Variants in LMNTD1 observed in about 807,000 individuals in gnomAD.
LMNTD1 encodes lamin tail domain containing 1.
A neutral mutation model predicts 50.9 loss-of-function variants in LMNTD1; 35 were observed. The observed-to-expected ratio is 0.69, with a 90% CI of 0.53 to 0.91. The LOEUF is 0.91. Among genes scored for constraint, LMNTD1 ranks in the 40% least tolerant of loss-of-function variants. The pLI is 0.00. For missense variants in LMNTD1, 470 were observed against 475.5 expected (o/e 0.99, Z 0.11); for synonymous variants, 153 against 161.9 (o/e 0.94, Z 0.42).
At chr12:25,488,402 C>G (rs1306098475) in intron 9 of LMNTD1, among the ~76,000 whole-genome samples, 2 of 133,578 alleles carry the variant, frequency 1.5e-5, no homozygotes, top group African/African-American at 5.6e-5. Flanking sequence ...ATTGCTGATA[C>G]CCTTTCTTCC....
chr12:25,637,266 C>G (rs939257539), intron 1 of LMNTD1, among the ~76,000 whole-genome samples: 4 of 152,062 alleles, frequency 2.6e-5, no homozygotes, highest in Non-Finnish European at 5.9e-5. Flanking sequence ...ACAGAAAATG[C>G]CTTTGAGAGG....
At chr12:25,624,996 T>C (rs919104855) in intron 1 of LMNTD1, among the ~76,000 whole-genome samples, 2 of 149,984 alleles carry the variant, frequency 1.3e-5, no homozygotes, top group African/African-American at 2.4e-5. Flanking sequence ...ATAATCACAA[T>C]AGAGCTACCA....
At chr12:25,537,125 T>A (rs905014109) in intron 4 of LMNTD1, among the ~76,000 whole-genome samples, 1 of 152,146 alleles carries the variant, frequency 6.6e-6, no homozygotes, top group African/African-American at 2.4e-5. Flanking sequence ...GAGATCAAAC[T>A]GCAAGGCAGC....
chr12:25,488,696 G>A (rs2135915603), intron 9 of LMNTD1, among the ~76,000 whole-genome samples: 1 of 152,308 alleles, frequency 6.6e-6, no homozygotes, highest in African/African-American at 2.4e-5. Context: ...TCCTTTGGAG[G>A]AGGAGAGGCA....
chr12:25,554,250 A>G (rs1457244443), upstream of LMNTD1, among the ~76,000 whole-genome samples: 1 of 152,212 alleles, frequency 6.6e-6, no homozygotes, highest in African/African-American at 2.4e-5. Flanking sequence ...CAGTCTCCCT[A>G]CCTGTACCAG....
At chr12:25,561,844 A>G (rs1592020488) in intron 1 of LMNTD1, among the ~76,000 whole-genome samples, 1 of 152,246 alleles carries the variant, frequency 6.6e-6, no homozygotes, top group South Asian at 2.1e-4. Context: ...GTGCATATAT[A>G]TTTAGGTTAG....
rs573304585 is a variant in LMNTD1 at position 25,493,360 on chromosome 12, T to C, written c.*22+10378A>G. Among the ~76,000 whole-genome samples, 25 of 152,288 alleles carry C rather than the reference T, an allele frequency of 1.6e-4. 1 individual carries two copies. Among genetic ancestry groups the C allele is most frequent in the African/African-American group, 6.0e-4 (25 of 41,556 alleles). On this transcript the variant is annotated intron_variant, in intron 9 of 9. Transcript: ENST00000458174. ...TATATCTCCAGCTAATCCCACTGGATTTTAGTGACTAAACGAAGAGGGAAA... is the reference window on the plus strand; with the variant it reads ...TATATCTCCAGCTAATCCCACTGGACTTTAGTGACTAAACGAAGAGGGAAA...
At chr12:25,575,819 C>T (rs1283066497) in intron 1 of LMNTD1, among the ~76,000 whole-genome samples, 1 of 152,112 alleles carries the variant, frequency 6.6e-6, no homozygotes, top group Non-Finnish European at 1.5e-5. Context: ...GGTATATCTC[C>T]TAATGCTATC....
intron 9 of LMNTD1, among the ~76,000 whole-genome samples, chr12:25,482,687 TTG>T (rs1039779683): frequency 6.6e-6 from 1 of 152,020 alleles, no homozygotes; most frequent in Non-Finnish European, 1.5e-5. Context: ...GAAGCCTCTC[TTG>T]TGTGTCCAGA....
At chr12:25,523,489 G>A (rs138798266) in intron 6 of LMNTD1, among the ~76,000 whole-genome samples, 3 of 152,300 alleles carry the variant, frequency 2.0e-5, no homozygotes, top group African/African-American at 7.2e-5. Flanking sequence ...TTTTCCACAA[G>A]ATATGGATTA....
chr12:25,539,395 A>C (rs1942877792), intron 4 of LMNTD1, among the ~76,000 whole-genome samples: 1 of 152,076 alleles, frequency 6.6e-6, no homozygotes, highest in South Asian at 2.1e-4. Context: ...CAGTGCAATC[A>C]AACTAGAACT....
chr12:25,494,186 C>T (rs1446371326), intron 9 of LMNTD1, among the ~76,000 whole-genome samples: 2 of 152,198 alleles, frequency 1.3e-5, no homozygotes, highest in African/African-American at 2.4e-5. Context: ...TAATATAAAA[C>T]ACAATGTGCT....
At chr12:25,578,194 A>T (rs1945116276) in intron 1 of LMNTD1, among the ~76,000 whole-genome samples, 1 of 152,202 alleles carries the variant, frequency 6.6e-6, no homozygotes, top group East Asian at 1.9e-4. Context: ...TCATGTTTAC[A>T]CTACTGTGAA....
At chr12:25,596,742 T>C (rs1429114478) in intron 1 of LMNTD1, among the ~76,000 whole-genome samples, 3 of 152,032 alleles carry the variant, frequency 2.0e-5, no homozygotes, top group African/African-American at 7.2e-5. Context: ...TCATTGGTAA[T>C]AGCAAATATA....
At chr12:25,629,307 C>T (rs1946663178) in intron 1 of LMNTD1, among the ~76,000 whole-genome samples, 1 of 152,202 alleles carries the variant, frequency 6.6e-6, no homozygotes, top group African/African-American at 2.4e-5. Flanking sequence ...TATCTCCTTA[C>T]TGCAGAAACT....
chr12:25,516,924 A>G (rs1429392307), intron 8 of LMNTD1, among the ~76,000 whole-genome samples: 1 of 151,736 alleles, frequency 6.6e-6, no homozygotes, highest in African/African-American at 2.4e-5. Context: ...TCTCTAAAGA[A>G]GACATTTATG....
chr12:25,608,111 T>A (rs1946156612), intron 1 of LMNTD1, among the ~76,000 whole-genome samples: 1 of 152,118 alleles, frequency 6.6e-6, no homozygotes, highest in South Asian at 2.1e-4. Flanking sequence ...TCTCTTTTGA[T>A]CTTTGTTGGT....
At chr12:25,604,002 T>TGCAAACAAACAA (rs775869794) in intron 1 of LMNTD1, among the ~76,000 whole-genome samples, 1 of 152,066 alleles carries the variant, frequency 6.6e-6, no homozygotes, top group Non-Finnish European at 1.5e-5. Flanking sequence ...TAAAGAGCTA[T>TGCAAACAAACAA]GCAAACAAAC....
intron 1 of LMNTD1, among the ~76,000 whole-genome samples, chr12:25,572,582 G>T (rs1944840902): frequency 6.6e-6 from 1 of 152,080 alleles, no homozygotes; most frequent in South Asian, 2.1e-4. Flanking sequence ...GGTTACACTG[G>T]GGAGGAGGGG....
Sources: allele counts gnomAD v4.1 joint callset (sites outside exome capture counted in the v4.1 genomes callset), GRCh38; gene constraint gnomAD v4.1.1; transcripts MANE v1.5; gene names NCBI Gene and HGNC (gene_info 2026-07-23, HGNC 2026-07-21).